The following ERP44 variants were observed in gnomAD, a reference collection of about 807,000 sequenced individuals.
ERP44 encodes endoplasmic reticulum resident protein 44.
A neutral mutation model predicts 53.4 loss-of-function variants in ERP44; 25 were observed. The observed-to-expected ratio is 0.47, with a 90% CI of 0.34 to 0.65. The LOEUF (loss-of-function observed/expected upper bound fraction) is 0.65, where lower values mean the gene tolerates loss of function less well. Ranked by LOEUF, ERP44 falls within the 30% of genes least tolerant of loss-of-function variation. The pLI is 0.01. For missense variants in ERP44, 338 were observed against 493.2 expected (o/e 0.69, Z 2.98); for synonymous variants, 145 against 161.2 (o/e 0.90, Z 0.76).
intron 5 of ERP44, among the ~76,000 whole-genome samples, chr9:100,021,215 T>G (rs1830585208): frequency 6.6e-6 from 1 of 152,172 alleles, no homozygotes; most frequent in African/African-American, 2.4e-5. Context: ...TACGAGGTAA[T>G]GCCTCTAGCC....
At chr9:100,083,367 T>G (rs1826447976) in intron 1 of ERP44, among the ~76,000 whole-genome samples, 2 of 151,768 alleles carry the variant, frequency 1.3e-5, no homozygotes, top group Admixed American at 6.6e-5. Context: ...TGGAAAGACC[T>G]CCAAAATACA....
At chr9:100,077,059 A>G (rs1231264229) in intron 1 of ERP44, among the ~76,000 whole-genome samples, 1 of 152,160 alleles carries the variant, frequency 6.6e-6, no homozygotes. Context: ...TCAGCCAGCT[A>G]CCTGGTGGCA....
chr9:100,001,056 T>C (rs981197529), intron 10 of ERP44, among the ~76,000 whole-genome samples: 2 of 152,210 alleles, frequency 1.3e-5, no homozygotes, highest in Non-Finnish European at 2.9e-5. Context: ...TCCATTTCCA[T>C]TTTTTAAAAG....
intron 11 of ERP44, among the ~76,000 whole-genome samples, chr9:99,983,848 T>C (rs1249104455): frequency 6.6e-6 from 1 of 152,226 alleles, no homozygotes; most frequent in Non-Finnish European, 1.5e-5. Flanking sequence ...ATTAATTATA[T>C]TACTATAAAA....
intron 1 of ERP44, among the ~76,000 whole-genome samples, chr9:100,060,636 C>T (rs1475590077): frequency 6.6e-6 from 1 of 152,098 alleles, no homozygotes; most frequent in Non-Finnish European, 1.5e-5. Context: ...AACCAAAAGC[C>T]CTTCCGGTAT....
intron 10 of ERP44, among the ~76,000 whole-genome samples, chr9:100,000,197 G>A (rs1373513563): frequency 3.9e-5 from 6 of 152,012 alleles, no homozygotes; most frequent in East Asian, 1.9e-4. Context: ...TTGGAAGGCC[G>A]TAAGTGGGAG....
At chr9:100,031,150 C>G (rs1260947438) in intron 4 of ERP44, among the ~76,000 whole-genome samples, 1 of 151,756 alleles carries the variant, frequency 6.6e-6, no homozygotes, top group African/African-American at 2.4e-5. Context: ...TCAAGCCAGC[C>G]TGGAAAACTG....
At position 100,080,823 on chromosome 9, in the gene ERP44, C is replaced by T. The variant is rs576830268; in HGVS notation, c.57+17961G>A. ...ATCCTCCAATGAGCTGCCTTGCAAA[C>T]GTGGGTACAGGAAACTAACATAATA... On this transcript the variant is annotated intron_variant, in intron 1 of 11. Transcript: ENST00000262455. Among the ~76,000 whole-genome samples, 10 of 152,026 alleles carry T rather than the reference C, an allele frequency of 6.6e-5. No homozygotes were observed. The South Asian group carries it at 1.2e-3, about 19-fold the overall frequency.
At chr9:100,090,345 T>C (rs1826538182) in intron 1 of ERP44, among the ~76,000 whole-genome samples, 1 of 152,178 alleles carries the variant, frequency 6.6e-6, no homozygotes, top group African/African-American at 2.4e-5. Context: ...CAAATGACAA[T>C]ACATTATCTT....
intron 1 of ERP44, among the ~76,000 whole-genome samples, chr9:100,069,034 G>A (rs980941105): frequency 3.9e-5 from 6 of 152,038 alleles, no homozygotes; most frequent in African/African-American, 1.4e-4. Flanking sequence ...GTCCACTCAG[G>A]GTTAAATGGA....
chr9:99,992,638 T>G (rs2118609007), intron 10 of ERP44, among the ~76,000 whole-genome samples: 2 of 152,280 alleles, frequency 1.3e-5, no homozygotes, highest in East Asian at 3.9e-4. Context: ...ACCACTCCTA[T>G]TCAACATAGT....
In ERP44 at chr9:99,980,948, C is replaced by T. The variant is rs1346152889; in HGVS notation, c.*1664G>A. 6.6e-6 allele frequency: 1 copy of T among 152,156 alleles called. No homozygotes were observed. Among genetic ancestry groups the T allele is most frequent in the Non-Finnish European group, 1.5e-5 (1 of 68,030 alleles). The allele number at this position is 152,156 out of a possible 1,614,324, so 9.4% of individuals were successfully genotyped here. A position where few individuals can be genotyped will look rare whatever the true frequency, so the allele number is the denominator to read the frequency against. ...ATCTTTTGTTGATTATTTTTTCAAA[C>T]CCAGTTACAGGATTACTATATTATT... is the stretch of plus-strand genomic sequence containing the variant. On this transcript the variant is annotated 3_prime_UTR_variant, in exon 12 of 12. Transcript: ENST00000262455.
chr9:100,057,860 C>A lies in ERP44; in HGVS notation c.131-1G>T. On this transcript the variant is annotated splice_acceptor_variant, in intron 2 of 11. Transcript: ENST00000262455. LOFTEE classifies it high-confidence loss of function. ...TTTACTAAAGCAACATCAGCATTGT[C>A]TGAAATTGAAAGACAAAACCAAATA... The A allele has an allele frequency of 6.3e-7, 1 of 1,592,944 alleles. No individual in the cohort carries two copies. The highest frequency in any genetic ancestry group is 1.1e-5 in the South Asian group (1 of 88,392).
At chr9:100,029,757 T>C (rs1825759874) in intron 4 of ERP44, among the ~76,000 whole-genome samples, 1 of 152,098 alleles carries the variant, frequency 6.6e-6, no homozygotes, top group Non-Finnish European at 1.5e-5. Flanking sequence ...AGTCAAAATA[T>C]GAAATCAACC....
intron 1 of ERP44, among the ~76,000 whole-genome samples, chr9:100,082,139 TA>T (rs1458619851): frequency 4.6e-5 from 7 of 151,978 alleles, no homozygotes; most frequent in African/African-American, 1.4e-4. Flanking sequence ...CCAAAGGACA[TA>T]AAAGGACACT....
intron 10 of ERP44, among the ~76,000 whole-genome samples, chr9:99,989,012 T>G (rs1017058018): frequency 6.6e-6 from 1 of 152,172 alleles, no homozygotes; most frequent in African/African-American, 2.4e-5. Context: ...GAGGCTTGAC[T>G]AGGTAAACAA....
At chr9:99,996,369 C>T (rs988401772) in intron 10 of ERP44, among the ~76,000 whole-genome samples, 1 of 152,172 alleles carries the variant, frequency 6.6e-6, no homozygotes, top group African/African-American at 2.4e-5. Context: ...TTCTCTGCCA[C>T]GTTTTAAGGC....
chr9:100,019,636 C>T (rs1480457890), intron 6 of ERP44, among the ~76,000 whole-genome samples: 1 of 146,770 alleles, frequency 6.8e-6, no homozygotes. Context: ...AACAGAACCA[C>T]AAAAATGATT....
chr9:100,004,549 T>G (rs768229694), intron 10 of ERP44, among the ~76,000 whole-genome samples: 2 of 152,192 alleles, frequency 1.3e-5, no homozygotes, highest in Non-Finnish European at 2.9e-5. Context: ...GCACTGGGTT[T>G]TACCAGGACA....
Sources: gnomAD v4.1 joint callset for allele counts (sites outside exome capture counted in the v4.1 genomes callset) on GRCh38, gnomAD v4.1.1 for gene constraint, MANE v1.5 for transcripts, NCBI Gene and HGNC (gene_info 2026-07-23, HGNC 2026-07-21) for gene names.